Variants in CTNND2 observed in about 807,000 individuals in gnomAD.
The protein encoded by CTNND2 is catenin delta 2, also known as catenin delta-2.
A neutral mutation model predicts 144.4 loss-of-function variants in CTNND2; 22 were observed. That is an observed-to-expected ratio of 0.15 (90% confidence interval 0.11 to 0.22). CTNND2 has a LOEUF of 0.22. CTNND2 is among the 10% of genes least tolerant of loss of function. The pLI is 1.00. For synonymous variants in CTNND2, 751 were observed against 695.6 expected, an observed-to-expected ratio of 1.08 and a Z score of -1.25; for missense variants, 1,353 against 1,618.8, an observed-to-expected ratio of 0.84 and a Z score of 2.82.
intron 2 of CTNND2, among the ~76,000 whole-genome samples, chr5:11,682,602 G>A (rs1784465365): frequency 6.6e-6 from 1 of 152,152 alleles, no homozygotes; most frequent in African/African-American, 2.4e-5. Context: ...AGATGCAACA[G>A]ATTTGGAGCT....
At chr5:11,813,982 C>T (rs1273693255) in intron 1 of CTNND2, among the ~76,000 whole-genome samples, 2 of 152,214 alleles carry the variant, frequency 1.3e-5, no homozygotes, top group Non-Finnish European at 2.9e-5. Flanking sequence ...TAATCTATTA[C>T]AACTACCATG....
At chr5:11,401,529 T>A (rs1760648788) in intron 5 of CTNND2, among the ~76,000 whole-genome samples, 1 of 152,172 alleles carries the variant, frequency 6.6e-6, no homozygotes, top group African/African-American at 2.4e-5. Context: ...CTCTAGCCCA[T>A]CTCCATACTT....
intron 2 of CTNND2, among the ~76,000 whole-genome samples, chr5:11,586,754 A>G (rs1403922491): frequency 1.3e-5 from 2 of 152,176 alleles, no homozygotes. Context: ...ACTTGAAACT[A>G]TTTTTTGTTA....
At chr5:11,152,608 A>G (rs1348753498) in intron 12 of CTNND2, among the ~76,000 whole-genome samples, 3 of 152,062 alleles carry the variant, frequency 2.0e-5, no homozygotes, top group African/African-American at 7.2e-5. Context: ...GGGTGGGAGG[A>G]AGTGATCTGG....
At chr5:11,233,620 T>C (rs1368709590) in intron 10 of CTNND2, among the ~76,000 whole-genome samples, 2 of 152,210 alleles carry the variant, frequency 1.3e-5, no homozygotes, top group African/African-American at 4.8e-5. Context: ...CAGCCATCTG[T>C]CACAAAGGTA....
At chr5:11,109,866 C>G (rs542400155) in intron 14 of CTNND2, among the ~76,000 whole-genome samples, 1 of 152,204 alleles carries the variant, frequency 6.6e-6, no homozygotes, top group East Asian at 1.9e-4. Flanking sequence ...ATATTTTGTA[C>G]AGGCAAATAG....
rs1784573226 is a variant in CTNND2 at position 11,684,859 on chromosome 5, A to G, written c.174+47277T>C. On this transcript the variant is annotated intron_variant, in intron 2 of 21. Coordinates refer to ENST00000304623, the MANE Select transcript of CTNND2 (RefSeq NM_001332.4). ...GCCTTAAAACAGGAAGCTTTTCTCT[A>G]TTTCTGAAACTCCTTGAACTTCCTT... Among the ~76,000 whole-genome samples, 3 of 152,156 alleles carry G rather than the reference A, an allele frequency of 2.0e-5. No individual in the cohort carries two copies. In the South Asian group the frequency reaches 6.2e-4, roughly 32 times the overall value.
chr5:11,264,009 C>T (rs1469722786), intron 9 of CTNND2, among the ~76,000 whole-genome samples: 3 of 152,150 alleles, frequency 2.0e-5, no homozygotes, highest in Admixed American at 6.5e-5. Context: ...CGTTCACCTT[C>T]GAATCAACTA....
intron 12 of CTNND2, among the ~76,000 whole-genome samples, chr5:11,158,043 C>G (rs1473781575): frequency 6.6e-6 from 1 of 152,192 alleles, no homozygotes; most frequent in Non-Finnish European, 1.5e-5. Context: ...AGCCTATATC[C>G]TTTCAAACAC....
At chr5:11,898,963 T>C (rs928798178) in intron 1 of CTNND2, among the ~76,000 whole-genome samples, 10 of 152,212 alleles carry the variant, frequency 6.6e-5, no homozygotes, top group Admixed American at 6.5e-4. Flanking sequence ...CTGGGTTTGA[T>C]CATCCCAAGG....
chr5:11,634,552 C>T (rs1056318901), intron 2 of CTNND2, among the ~76,000 whole-genome samples: 1 of 152,114 alleles, frequency 6.6e-6, no homozygotes, highest in African/African-American at 2.4e-5. Context: ...AACCGGGGTT[C>T]TCAATAGGTT....
chr5:11,152,074 A>G (rs1451757265), intron 12 of CTNND2, among the ~76,000 whole-genome samples: 1 of 152,244 alleles, frequency 6.6e-6, no homozygotes, highest in Non-Finnish European at 1.5e-5. Flanking sequence ...AAGCTTTTAT[A>G]CGTAAAGAAA....
At chr5:11,168,371 G>A (rs1285901016) in intron 11 of CTNND2, among the ~76,000 whole-genome samples, 1 of 152,134 alleles carries the variant, frequency 6.6e-6, no homozygotes, top group East Asian at 1.9e-4. Flanking sequence ...AATTATAATT[G>A]AAAATAATTT....
intron 20 of CTNND2, 137 bp from the exon 21 acceptor site, chr5:10,981,983 C>A: frequency 1.5e-6 from 1 of 655,432 alleles, no homozygotes; most frequent in Non-Finnish European, 2.7e-6. Context: ...CATTCTTTGG[C>A]CCTGAACACT....
intron 2 of CTNND2, among the ~76,000 whole-genome samples, chr5:11,714,598 T>C (rs558941798): frequency 6.6e-6 from 1 of 152,108 alleles, no homozygotes; most frequent in Admixed American, 6.6e-5. Flanking sequence ...ACAATCTTCC[T>C]CATATGTAAA....
chr5:11,808,899 A>C (rs1002019003), intron 1 of CTNND2, among the ~76,000 whole-genome samples: 6 of 152,214 alleles, frequency 3.9e-5, no homozygotes, highest in African/African-American at 1.4e-4. Context: ...CAGACAAAAC[A>C]TCCACGATAC....
intron 9 of CTNND2, among the ~76,000 whole-genome samples, chr5:11,327,517 A>G (rs943186564): frequency 3.3e-5 from 5 of 152,218 alleles, no homozygotes; most frequent in African/African-American, 1.2e-4. Context: ...CACATTGTCA[A>G]CTATATTAAA....
At chr5:11,536,601 T>C (rs1774236875) in intron 3 of CTNND2, among the ~76,000 whole-genome samples, 2 of 152,218 alleles carry the variant, frequency 1.3e-5, no homozygotes, top group South Asian at 4.1e-4. Context: ...TGGAGATTAT[T>C]ATTCTAAGTG....
chr5:11,453,580 C>T (rs1326125376), intron 3 of CTNND2, among the ~76,000 whole-genome samples: 1 of 152,180 alleles, frequency 6.6e-6, no homozygotes, highest in Non-Finnish European at 1.5e-5. Context: ...AGCCCAGAAT[C>T]ATTAATGACA....
Sources: allele counts gnomAD v4.1 joint callset (sites outside exome capture counted in the v4.1 genomes callset), GRCh38; gene constraint gnomAD v4.1.1; transcripts MANE v1.5; gene names NCBI Gene and HGNC (gene_info 2026-07-23, HGNC 2026-07-21).